Variants in SAFB2 observed in about 807,000 individuals in gnomAD.
SAFB2 encodes scaffold attachment factor B2.
A neutral mutation model predicts 100.6 loss-of-function variants in SAFB2; 32 were observed. That is an observed-to-expected ratio of 0.32 (90% CI 0.24 to 0.43). SAFB2 has a LOEUF of 0.43. Among genes scored for constraint, SAFB2 ranks in the 20% least tolerant of loss-of-function variants. SAFB2 has a pLI of 1.00. For missense variants in SAFB2, 1,185 were observed against 1,163.4 expected (o/e 1.02, Z -0.27); for synonymous variants, 500 against 439.4 (o/e 1.14, Z -1.72).
chr19:5,594,949 A>G (rs4807044), intron 14 of SAFB2, among the ~76,000 whole-genome samples: 2,213 of 152,306 alleles, frequency 0.015, 31 homozygotes, highest in Admixed American at 0.02. Context: ...TCTGGGCTCC[A>G]GCAATCCTCC....
At chr19:5,604,335 G>A (rs746735112) in intron 11 of SAFB2, among the ~76,000 whole-genome samples, 1 of 152,182 alleles carries the variant, frequency 6.6e-6, no homozygotes, top group Non-Finnish European at 1.5e-5. Flanking sequence ...AACCCGGAAG[G>A]TGGAGGCTGC....
chr19:5,616,652 T>C (rs559249604), intron 2 of SAFB2, among the ~76,000 whole-genome samples, 166 bp from the exon 3 acceptor site: 9 of 131,782 alleles, frequency 6.8e-5, no homozygotes, highest in Middle Eastern at 3.3e-3. Context: ...TCTTTTTTTT[T>C]TTTTTTTTTT....
intron 11 of SAFB2, among the ~76,000 whole-genome samples, chr19:5,602,719 A>C (rs2052689263): frequency 6.6e-6 from 1 of 152,078 alleles, no homozygotes; most frequent in Non-Finnish European, 1.5e-5. Context: ...ACCACACCAT[A>C]CTGTTAGCTA....
At chr19:5,597,297 G>A (rs1201016141) in intron 13 of SAFB2, among the ~76,000 whole-genome samples, 1 of 152,104 alleles carries the variant, frequency 6.6e-6, no homozygotes, top group East Asian at 1.9e-4. Context: ...TGGGAGTGGT[G>A]GCGCACACCT....
At chr19:5,613,697 A>T (rs766680234) in intron 4 of SAFB2, 170 bp from the exon 5 acceptor site, 11 of 984,934 alleles carry the variant, frequency 1.1e-5, no homozygotes, top group Non-Finnish European at 1.1e-5. Context: ...CAGAACACAC[A>T]CTCCACGACT....
In SAFB2 at chr19:5,587,088, T is replaced by TAAAAAAA; in HGVS notation, c.*148_*154dup. ...ATGGCAGAACAAGAACACATTTATT[T>TAAAAAAA]AAAAAAAAAAAAAAAGTGAGTTCAC... On this transcript the variant is annotated 3_prime_UTR_variant, in exon 21 of 21. Transcript: ENST00000252542. The surrounding 1 kb of genome is among the most constrained non-coding windows in gnomAD (Gnocchi z 4.9). The TAAAAAAA allele has an allele frequency of 1.3e-6, 1 of 790,936 alleles. No homozygotes were observed. The highest frequency in any genetic ancestry group is 2.8e-5 in the East Asian group (1 of 35,480). 49.0% of individuals were successfully genotyped at this position (790,936 alleles called of 1,614,324 possible).
chr19:5,606,880 T>C (rs1023159124), intron 9 of SAFB2, among the ~76,000 whole-genome samples: 2 of 152,188 alleles, frequency 1.3e-5, no homozygotes, highest in African/African-American at 4.8e-5. Flanking sequence ...TGATCTCCGA[T>C]GGGAACTTGG....
At chr19:5,619,697 TA>T (rs2053102045) in intron 2 of SAFB2, among the ~76,000 whole-genome samples, 2 of 151,962 alleles carry the variant, frequency 1.3e-5, no homozygotes, top group Admixed American at 6.6e-5. Context: ...TATAAAAAAG[TA>T]GCTGGGCGTG....
Position 5,604,943 on chromosome 19 carries a change from GA to G in SAFB2, c.1297-8del. ...CCACTTTGGCCCCGACAACCTTCAT[GA>G]AAAAGGGCACTCTTACTCTCTCATA... On this transcript the variant is annotated splice_region_variant and splice_polypyrimidine_tract_variant and intron_variant, in intron 9 of 20. Transcript: ENST00000252542. The G allele has an allele frequency of 6.2e-7, 1 of 1,609,908 alleles. No individual in the cohort carries two copies.
At chr19:5,603,934 G>C (rs544726753) in intron 11 of SAFB2, among the ~76,000 whole-genome samples, 185 of 152,310 alleles carry the variant, frequency 1.2e-3, no homozygotes, top group African/African-American at 4.3e-3. Flanking sequence ...AAATCAACGT[G>C]GATGAGGAAA....
In SAFB2 at chr19:5,610,035, C is replaced by T; in HGVS notation, c.1256G>A (p.Arg419His). 2.5e-6 allele frequency: 4 copies of T among 1,614,146 alleles called. No homozygotes were observed. Among genetic ancestry groups the T allele is most frequent in the African/African-American group, 1.3e-5 (1 of 75,040 alleles). Residue 419 changes from arginine to histidine, a missense_variant, in exon 9 of 21, where the codon CGC becomes CAC. This residue lies in a region of SAFB2 where 94 missense variants were observed against 135.1 expected (regional missense o/e 0.70). Coordinates refer to ENST00000252542, the MANE Select transcript of SAFB2 (RefSeq NM_014649.3). ...LWVSGLSSTT[R>H]ATDLKNLFSK... ...GAAAAGGTTCTTGAGATCCGTAGCG[C>T]GTGTTGTGGAGGACAGCCCGCTGAC...
At position 5,605,061 on chromosome 19, in the gene SAFB2, T is replaced by G. The variant is rs944229376; in HGVS notation, c.1297-125A>C. 24 of 1,126,518 alleles carry G rather than the reference T, an allele frequency of 2.1e-5. No homozygotes were observed. The East Asian group carries it at 5.7e-4, about 27-fold the overall frequency. The allele number at this position is 1,126,518 out of a possible 1,614,324, so 69.8% of individuals were successfully genotyped here. A position where few individuals can be genotyped will look rare whatever the true frequency, so the allele number is the denominator to read the frequency against. ...TCTCCCCATATGGTAGTTTTCCATT[T>G]TAGTTACTGAATTGGTTCTAATTAA... On this transcript the variant is annotated intron_variant, in intron 9 of 20. Coordinates refer to ENST00000252542, the MANE Select transcript of SAFB2 (RefSeq NM_014649.3).
intron 9 of SAFB2, among the ~76,000 whole-genome samples, chr19:5,607,188 G>C (rs1166499655): frequency 6.6e-6 from 1 of 152,142 alleles, no homozygotes; most frequent in Non-Finnish European, 1.5e-5. Flanking sequence ...ATGAACCCAG[G>C]AGGCAGAGCT....
intron 18 of SAFB2, among the ~76,000 whole-genome samples, chr19:5,589,961 G>C (rs999108549): frequency 6.6e-5 from 10 of 152,216 alleles, no homozygotes; most frequent in African/African-American, 2.2e-4. Flanking sequence ...GCAGGACTAA[G>C]AGCTTCAGCG....
chr19:5,605,662 A>T (rs1812957999), intron 9 of SAFB2, among the ~76,000 whole-genome samples: 1 of 152,174 alleles, frequency 6.6e-6, no homozygotes, highest in South Asian at 2.1e-4. Context: ...TGGGGAAAGG[A>T]CTTCCACTTC....
chr19:5,620,973 A>AGGAAG (rs2053127990), intron 2 of SAFB2, among the ~76,000 whole-genome samples: 1 of 152,192 alleles, frequency 6.6e-6, no homozygotes, highest in Non-Finnish European at 1.5e-5. Flanking sequence ...TATTTTTTGA[A>AGGAAG]CCAGGAAGGA....
chr19:5,594,507 A>C (rs1945413681), intron 14 of SAFB2, among the ~76,000 whole-genome samples: 1 of 152,222 alleles, frequency 6.6e-6, no homozygotes, highest in Admixed American at 6.5e-5. Flanking sequence ...GCCGAATGTC[A>C]AGGCAGAGGG....
In SAFB2 at chr19:5,604,782, CT is replaced by C; in HGVS notation, c.1446+4del. On this transcript the variant is annotated splice_donor_region_variant and intron_variant, in intron 10 of 20. Coordinates refer to ENST00000252542, the MANE Select transcript of SAFB2 (RefSeq NM_014649.3). Reference sequence around the variant, plus strand: ...GCGAGTTACCATAGACGAGAACTGCCTCACCTTCTCTACGGAGATCATTCGT... The same window carrying C: ...GCGAGTTACCATAGACGAGAACTGCCCACCTTCTCTACGGAGATCATTCGT... The C allele has an allele frequency of 4.3e-6, 7 of 1,614,060 alleles. No homozygotes were observed. Among genetic ancestry groups the C allele is most frequent in the Non-Finnish European group, 5.9e-6 (7 of 1,179,910 alleles).
chr19:5,590,284 G>C lies in SAFB2; in HGVS notation c.2519C>G (p.Pro840Arg). ...CTGGGGCTCACCCACTAACCTGGGG[G>C]GAGGGGGCAGCCCCCGGCCTTCACT... ...RLSEGRGLPP[P>R]PRGGRDWGEH... The change falls in exon 18 of 21, where the codon CCC becomes CGC. Residue 840 changes from proline (P) to arginine (R), a missense_variant. This residue lies in a region of SAFB2 where 740 missense variants were observed against 687.1 expected (regional missense o/e 1.08). Coordinates refer to ENST00000252542, the MANE Select transcript of SAFB2 (RefSeq NM_014649.3). 6.3e-7 allele frequency: 1 copy of C among 1,596,142 alleles called. No homozygotes were observed. Among genetic ancestry groups the C allele is most frequent in the East Asian group, 2.3e-5 (1 of 44,024 alleles).
Sources: allele counts gnomAD v4.1 joint callset (sites outside exome capture counted in the v4.1 genomes callset), GRCh38; gene constraint gnomAD v4.1.1; regional missense constraint gnomAD v4.1.1; non-coding constraint Gnocchi (gnomAD v3.1); transcripts MANE v1.5; gene names NCBI Gene and HGNC (gene_info 2026-07-23, HGNC 2026-07-21).